OR1J2: variants seen among roughly 807,000 people sequenced by gnomAD.
OR1J2 encodes the protein olfactory receptor family 1 subfamily J member 2, also known as olfactory receptor 1J2.
For missense variants in OR1J2, 304 were observed against 246.1 expected, an observed-to-expected ratio of 1.24 and a Z score of -1.57; for synonymous variants, 142 against 99.7, an observed-to-expected ratio of 1.42 and a Z score of -2.52.
chr9:122,567,759 G>A, the OR1J2 span: 2 of 1,614,038 alleles, frequency 1.2e-6, no homozygotes, highest in Admixed American at 1.7e-5. Flanking sequence ...ACCACAGGTG[G>A]AGAAGGCTTT....
the OR1J2 span, chr9:122,519,370 C>G: frequency 6.2e-7 from 1 of 1,614,162 alleles, no homozygotes; most frequent in Non-Finnish European, 8.5e-7. Context: ...TCATCTGTCA[C>G]TGTCCCAAAG....
Position 122,510,945 on chromosome 9 carries a change from C to T in OR1J2, c.144C>T (p.Leu48=), listed in dbSNP as rs1828620600. ...TVLGNLLIML[L]IQLDSHLHTP... is the part of the protein sequence containing the mutation. Reference sequence around the variant, plus strand: ...TGGGGAACCTGCTCATCATGCTGCTCATCCAGCTGGACTCTCACCTTCACA... The same window carrying T: ...TGGGGAACCTGCTCATCATGCTGCTTATCCAGCTGGACTCTCACCTTCACA... The change falls in exon 1 of 1, where the codon CTC becomes CTT. Residue 48 remains leucine, a synonymous_variant. Transcript: ENST00000335302. 1 of 1,612,570 alleles carries T rather than the reference C, an allele frequency of 6.2e-7. No individual in the cohort carries two copies. The highest frequency in any genetic ancestry group is 2.2e-5 in the East Asian group (1 of 44,868).
At chr9:122,495,124 C>CTTCATG in the OR1J2 span, among the ~76,000 whole-genome samples, 1 of 152,000 alleles carries the variant, frequency 6.6e-6, no homozygotes, top group Non-Finnish European at 1.5e-5. Context: ...AGATTTTTTT[C>CTTCATG]TTCATGTTGG....
the OR1J2 span, among the ~76,000 whole-genome samples, chr9:122,542,728 G>C: frequency 6.6e-6 from 1 of 152,146 alleles, no homozygotes; most frequent in Non-Finnish European, 1.5e-5. Context: ...ATTTTAAGAA[G>C]TTTTGACAAC....
chr9:122,511,351 C>T lies in OR1J2; in HGVS notation c.550C>T (p.Leu184=), dbSNP rs1828632123. 1 of 731,368 alleles carries T rather than the reference C, an allele frequency of 1.4e-6. No homozygotes were observed. Among genetic ancestry groups the T allele is most frequent in the Non-Finnish European group, 2.5e-6 (1 of 393,954 alleles). 45.3% of individuals were successfully genotyped at this position (731,368 alleles called of 1,614,324 possible). A position where few individuals can be genotyped will look rare whatever the true frequency, so the allele number is the denominator to read the frequency against. Residue 184 remains leucine (L), a synonymous_variant, in exon 1 of 1, where the codon CTG becomes TTG. Transcript: ENST00000335302. ...CCATGTCTTCTGTGACCTTGCTGCC[C>T]TGCTCAAGCTGTCCTGCTCAGATAT... ...IPHVFCDLAA[L]LKLSCSDIFL... is the part of the protein sequence containing the mutation.
chr9:122,559,639 A>G, the OR1J2 span, among the ~76,000 whole-genome samples: 88,253 of 151,912 alleles, frequency 0.58, 26,141 homozygotes, highest in East Asian at 0.97. Flanking sequence ...GTGTTTTTGA[A>G]TGTTTTTTAA....
chr9:122,550,057 C>G, the OR1J2 span, among the ~76,000 whole-genome samples: 2 of 139,732 alleles, frequency 1.4e-5, no homozygotes, highest in African/African-American at 5.5e-5. Flanking sequence ...TGTAGTTTTT[C>G]TTGTAGACAT....
chr9:122,547,481 A>G, the OR1J2 span, among the ~76,000 whole-genome samples: 1 of 152,188 alleles, frequency 6.6e-6, no homozygotes, highest in Non-Finnish European at 1.5e-5. Flanking sequence ...CTATCACCAG[A>G]ATATGGTACA....
chr9:122,496,068 C>T, the OR1J2 span, among the ~76,000 whole-genome samples: 2 of 152,176 alleles, frequency 1.3e-5, no homozygotes, highest in Non-Finnish European at 2.9e-5. Context: ...TGGGTACCAG[C>T]ACCTGCTCTG....
At chr9:122,549,077 T>C in the OR1J2 span, among the ~76,000 whole-genome samples, 2 of 152,038 alleles carry the variant, frequency 1.3e-5, no homozygotes, top group Admixed American at 1.3e-4. Flanking sequence ...ATGTTTGCCC[T>C]CTCCAAACCT....
the OR1J2 span, among the ~76,000 whole-genome samples, chr9:122,464,481 T>G: frequency 6.6e-6 from 1 of 152,388 alleles, no homozygotes; most frequent in South Asian, 2.1e-4. Context: ...CTGTGGATTC[T>G]TTCAGCTTTC....
downstream of OR1J2, among the ~76,000 whole-genome samples, chr9:122,511,945 A>G (rs757580943): frequency 2.0e-5 from 3 of 152,184 alleles, no homozygotes; most frequent in Non-Finnish European, 4.4e-5. Flanking sequence ...TGGTCAGTGA[A>G]TGCCAAATTT....
the OR1J2 span, among the ~76,000 whole-genome samples, chr9:122,525,012 C>T: frequency 7.9e-5 from 12 of 152,106 alleles, no homozygotes; most frequent in Non-Finnish European, 1.2e-4. Context: ...GTCAGTGGAG[C>T]GATAGATGTC....
the OR1J2 span, among the ~76,000 whole-genome samples, chr9:122,565,046 C>T: frequency 4.6e-5 from 7 of 152,286 alleles, no homozygotes; most frequent in East Asian, 9.6e-4. Context: ...TATACTTCCT[C>T]GTGAAATTTA....
the OR1J2 span, among the ~76,000 whole-genome samples, chr9:122,565,710 C>T: frequency 6.6e-6 from 1 of 152,230 alleles, no homozygotes; most frequent in Non-Finnish European, 1.5e-5. Flanking sequence ...TTTTAACTTA[C>T]CTTCTCCCCA....
chr9:122,481,210 G>A, the OR1J2 span, among the ~76,000 whole-genome samples: 73,001 of 152,004 alleles, frequency 0.48, 18,745 homozygotes, highest in African/African-American at 0.67. Flanking sequence ...TTCTTTTCCT[G>A]TGTTAGTTTG....
chr9:122,515,807 A>G (rs1218687403), downstream of OR1J2, among the ~76,000 whole-genome samples: 3 of 151,958 alleles, frequency 2.0e-5, no homozygotes, highest in East Asian at 1.9e-4. Context: ...TCTTATTACA[A>G]TCTGCTTGAT....
At chr9:122,505,757 T>C in the OR1J2 span, among the ~76,000 whole-genome samples, 1 of 152,168 alleles carries the variant, frequency 6.6e-6, no homozygotes, top group Non-Finnish European at 1.5e-5. Flanking sequence ...TCAGAGAACC[T>C]GAAGCTTTTC....
At chr9:122,516,300 C>CTTTTTTT (rs1278693220), downstream of OR1J2, among the ~76,000 whole-genome samples, 13 of 104,146 alleles carry the variant, frequency 1.2e-4, 1 homozygote, top group African/African-American at 3.9e-4. Flanking sequence ...CATACATGGT[C>CTTTTTTT]TTTTTTTTTT....
Sources: allele counts gnomAD v4.1 joint callset (sites outside exome capture counted in the v4.1 genomes callset), GRCh38; gene constraint gnomAD v4.1.1; transcripts MANE v1.5; gene names NCBI Gene and HGNC (gene_info 2026-07-23, HGNC 2026-07-21).